Variants in HEPH observed in about 807,000 individuals in gnomAD.
The protein encoded by HEPH is hephaestin.
A neutral mutation model predicts 80.8 loss-of-function variants in HEPH; 69 were observed. That is an observed-to-expected ratio of 0.85 (90% CI 0.70 to 1.04). The LOEUF (loss-of-function observed/expected upper bound fraction) is 1.04, where lower values mean the gene tolerates loss of function less well. Ranked by LOEUF, HEPH falls within the 50% of genes least tolerant of loss-of-function variation. The probability of loss-of-function intolerance (pLI) is 0.00; values close to 1 mark genes in which losing one functional copy is unlikely to be tolerated. For missense variants in HEPH, 1,115 were observed against 891.3 expected (o/e 1.25, Z -3.20); for synonymous variants, 431 against 322.8 (o/e 1.34, Z -3.60).
At chrX:66,204,872 T>G (rs1372262579) in intron 13 of HEPH, among the ~76,000 whole-genome samples, 1 of 112,053 alleles carries the variant, frequency 8.9e-6, no homozygotes, top group East Asian at 2.8e-4. Flanking sequence ...AATATAATAT[T>G]AGTTGCTAGC....
intron 15 of HEPH, among the ~76,000 whole-genome samples, chrX:66,223,157 G>GAA (rs2089724273): frequency 2.7e-5 from 3 of 111,222 alleles, no homozygotes; most frequent in Non-Finnish European, 5.7e-5. Context: ...GCTGGTGCTG[G>GAA]TTTACTGGAA....
intron 8 of HEPH, among the ~76,000 whole-genome samples, chrX:66,194,185 G>T (rs2087963142): frequency 9.0e-6 from 1 of 111,081 alleles, no homozygotes; most frequent in African/African-American, 3.3e-5. Flanking sequence ...TAGGCCAGAT[G>T]GAAAAAAAAC....
chrX:66,175,298 GT>G (rs1329112745), intron 4 of HEPH, among the ~76,000 whole-genome samples: 2 of 111,516 alleles, frequency 1.8e-5, no homozygotes, highest in African/African-American at 3.3e-5. Context: ...TGTTTGATTT[GT>G]CAAAGATCAG....
intron 11 of HEPH, among the ~76,000 whole-genome samples, chrX:66,199,369 C>CA (rs112466933): frequency 6.3e-5 from 7 of 110,243 alleles, no homozygotes; most frequent in Non-Finnish European, 1.3e-4. Context: ...GTCCCCCCCC[C>CA]CCATACTCCA....
chrX:66,203,373 A>G lies in HEPH; in HGVS notation c.2087A>G (p.Glu696Gly). Residue 696 changes from glutamate (E) to glycine (G), a missense_variant, in exon 13 of 21, where the codon GAG becomes GGG. By Grantham distance (98) the Glu-to-Gly change is moderately conservative. Around this residue, in one of 3 missense-constraint regions of HEPH, gnomAD observed 716 missense variants for 523.5 expected, o/e 1.37. Transcript: ENST00000343002. ...TCTGATCCTCCCTCAGGGACATTTG[A>G]GATTTATTGCCAGGCAGGCAGCCAT... ...IMQPDNLGTF[E>G]IYCQAGSHRE... 1.7e-6 allele frequency: 2 copies of G among 1,209,442 alleles called. No individual in the cohort carries two copies. Among genetic ancestry groups the G allele is most frequent in the Non-Finnish European group, 2.2e-6 (2 of 894,470 alleles).
At chrX:66,263,826 C>A (rs1235394869) in intron 20 of HEPH, 138 bp downstream of exon 20, 3 of 585,260 alleles carry the variant, frequency 5.1e-6, no homozygotes, top group African/African-American at 2.3e-5. Context: ...GAGACTTCTG[C>A]AAGACTTCAG....
chrX:66,225,116 G>T (rs1431155419), intron 15 of HEPH, among the ~76,000 whole-genome samples: 2 of 111,158 alleles, frequency 1.8e-5, no homozygotes, highest in Admixed American at 1.9e-4. Flanking sequence ...TTGAAACAAG[G>T]GACCTGTCCA....
At chrX:66,201,587 A>G (rs751839744) in intron 12 of HEPH, among the ~76,000 whole-genome samples, 7 of 111,886 alleles carry the variant, frequency 6.3e-5, no homozygotes, top group South Asian at 3.7e-4. Flanking sequence ...TTAGATGGCA[A>G]TAGTGTTTGT....
chrX:66,219,600 C>T (rs1346202948), intron 15 of HEPH, among the ~76,000 whole-genome samples: 6 of 111,374 alleles, frequency 5.4e-5, no homozygotes, highest in Non-Finnish European at 7.5e-5. Flanking sequence ...GGTATCCCCA[C>T]GAGCTGTCTT....
At chrX:66,166,248 C>G (rs1475481945) in intron 1 of HEPH, among the ~76,000 whole-genome samples, 1 of 111,481 alleles carries the variant, frequency 9.0e-6, no homozygotes, top group Non-Finnish European at 1.9e-5. Flanking sequence ...GGCTGGAGTG[C>G]AATGGTGCGA....
chrX:66,251,905 C>G (rs1244655175), intron 15 of HEPH, among the ~76,000 whole-genome samples: 3 of 112,078 alleles, frequency 2.7e-5, no homozygotes, highest in Non-Finnish European at 5.6e-5. Context: ...TAGATTTACT[C>G]ACAGTGAGGA....
intron 15 of HEPH, among the ~76,000 whole-genome samples, chrX:66,241,393 C>G (rs1210004351): frequency 1.8e-5 from 2 of 111,205 alleles, no homozygotes; most frequent in Non-Finnish European, 3.8e-5. Flanking sequence ...CCCATAGGAT[C>G]AAAGTAAAGT....
At chrX:66,186,949 G>T (rs2087487536) in intron 4 of HEPH, among the ~76,000 whole-genome samples, 1 of 110,713 alleles carries the variant, frequency 9.0e-6, no homozygotes, top group African/African-American at 3.3e-5. Context: ...TGTCTTTGTT[G>T]GATTGGGTTA....
chrX:66,177,322 G>A (rs922667782), intron 4 of HEPH, among the ~76,000 whole-genome samples: 1 of 111,660 alleles, frequency 9.0e-6, no homozygotes, highest in African/African-American at 3.3e-5. Context: ...TTGAATGTCT[G>A]GTAGGATTCC....
At chrX:66,238,026 G>T (rs1431677283) in intron 15 of HEPH, among the ~76,000 whole-genome samples, 1 of 111,556 alleles carries the variant, frequency 9.0e-6, no homozygotes, top group Non-Finnish European at 1.9e-5. Context: ...TGTGAGATAG[G>T]TTTCTTGAGG....
At chrX:66,171,535 AT>A (rs1432325917) in intron 2 of HEPH, among the ~76,000 whole-genome samples, 1 of 111,641 alleles carries the variant, frequency 9.0e-6, no homozygotes, top group African/African-American at 3.3e-5. Flanking sequence ...ACCATGACTC[AT>A]TTTTTTCTCT....
chrX:66,238,739 G>A (rs2090457077), intron 15 of HEPH, among the ~76,000 whole-genome samples: 1 of 111,659 alleles, frequency 9.0e-6, no homozygotes, highest in African/African-American at 3.3e-5. Context: ...GCTGTGAAAT[G>A]GGAAATCAGG....
intron 4 of HEPH, among the ~76,000 whole-genome samples, chrX:66,180,449 G>C (rs894371152): frequency 5.4e-5 from 6 of 111,199 alleles, no homozygotes; most frequent in African/African-American, 3.3e-5. Context: ...ATCCCTTCTA[G>C]CTTGTAGAGT....
chrX:66,259,101 A>G (rs961712686), intron 18 of HEPH, 122 bp downstream of exon 18: 1 of 744,797 alleles, frequency 1.3e-6, no homozygotes. Flanking sequence ...GGTCTAGTAC[A>G]TGGAGCACTG....
Sources: gnomAD v4.1 joint callset for allele counts (sites outside exome capture counted in the v4.1 genomes callset) on GRCh38, gnomAD v4.1.1 for gene constraint, gnomAD v4.1.1 regional missense constraint, MANE v1.5 for transcripts, NCBI Gene and HGNC (gene_info 2026-07-23, HGNC 2026-07-21) for gene names.